Variants in GRAMD1B observed in about 807,000 individuals in gnomAD.
GRAMD1B encodes GRAM domain containing 1B.
Under a neutral mutation model 99.7 loss-of-function variants are expected in GRAMD1B, and 37 were observed. The observed-to-expected ratio is 0.37, with a 90% CI of 0.29 to 0.49. GRAMD1B has a LOEUF of 0.49. Among genes scored for constraint, GRAMD1B ranks in the 20% least tolerant of loss-of-function variants. The probability of loss-of-function intolerance (pLI) is 0.98; values close to 1 mark genes in which losing one functional copy is unlikely to be tolerated. For synonymous variants in GRAMD1B, 427 were observed against 387.6 expected, an observed-to-expected ratio of 1.10 and a Z score of -1.19; for missense variants, 888 against 1,009.2, an observed-to-expected ratio of 0.88 and a Z score of 1.63.
chr11:123,619,678 G>C (rs1954879796), intron 19 of GRAMD1B: 1 of 216,690 alleles, frequency 4.6e-6, no homozygotes, highest in Non-Finnish European at 7.8e-6. Flanking sequence ...GCTGTACTTT[G>C]TCTTCTTTTC....
At chr11:123,608,911 T>G in intron 12 of GRAMD1B, 109 bp downstream of exon 12, 1 of 790,642 alleles carries the variant, frequency 1.3e-6, no homozygotes, top group Non-Finnish European at 2.0e-6. Context: ...CACACCCTCC[T>G]TCCCTCGGCC....
chr11:123,616,212 C>G (rs372838220), intron 17 of GRAMD1B, among the ~76,000 whole-genome samples: 43 of 152,246 alleles, frequency 2.8e-4, no homozygotes, highest in African/African-American at 9.6e-4. Flanking sequence ...GTCCCAGCTA[C>G]TCGGGAGGCT....
intron 11 of GRAMD1B, chr11:123,607,688 GA>G (rs1952926814): frequency 5.4e-5 from 2 of 36,760 alleles, no homozygotes; most frequent in African/African-American, 9.8e-5. Context: ...CATAGGACTT[GA>G]CCCCTACAGG....
upstream of GRAMD1B, among the ~76,000 whole-genome samples, chr11:123,429,923 T>G (rs1948787267): frequency 6.6e-6 from 1 of 152,166 alleles, no homozygotes; most frequent in Admixed American, 6.5e-5. The surrounding 1 kb of genome is among the most constrained non-coding windows in gnomAD (Gnocchi z 4.0). Context: ...CTCCTCATTT[T>G]CCTTCAACCC....
At chr11:123,588,760 G>A (rs1950319544) in intron 4 of GRAMD1B, among the ~76,000 whole-genome samples, 1 of 152,188 alleles carries the variant, frequency 6.6e-6, no homozygotes, top group African/African-American at 2.4e-5. Context: ...GTAAGATGCA[G>A]TGTCAACAGG....
intron 17 of GRAMD1B, among the ~76,000 whole-genome samples, chr11:123,615,094 G>T (rs1428712818): frequency 6.6e-6 from 1 of 152,144 alleles, no homozygotes; most frequent in African/African-American, 2.4e-5. Context: ...TACCCTTCAG[G>T]GTTTCAGTTT....
At chr11:123,474,736 CACAAA>C (rs1951181671) in intron 1 of GRAMD1B, among the ~76,000 whole-genome samples, 1 of 1,034 alleles carries the variant, frequency 9.7e-4, no homozygotes, top group African/African-American at 3.8e-3. Flanking sequence ...TTAACAAAGA[CACAAA>C]GACATCTATA....
chr11:123,371,651 A>C (rs566205692), intron 1 of GRAMD1B, among the ~76,000 whole-genome samples: 2 of 152,176 alleles, frequency 1.3e-5, no homozygotes, highest in Non-Finnish European at 2.9e-5. Flanking sequence ...ACACAGACAC[A>C]TGCTTTTTTA....
intron 1 of GRAMD1B, among the ~76,000 whole-genome samples, chr11:123,368,509 A>G (rs1163126281): frequency 6.6e-6 from 1 of 150,474 alleles, no homozygotes; most frequent in African/African-American, 2.4e-5. Context: ...GTGAAACCCC[A>G]TCTCTACAAA....
intron 1 of GRAMD1B, among the ~76,000 whole-genome samples, chr11:123,391,913 G>A (rs1947296333): frequency 6.6e-6 from 1 of 152,182 alleles, no homozygotes; most frequent in African/African-American, 2.4e-5. Flanking sequence ...ACAAACAGAG[G>A]AGCAAGTACA....
intron 1 of GRAMD1B, among the ~76,000 whole-genome samples, chr11:123,457,267 C>T (rs1950203070): frequency 6.6e-6 from 1 of 152,024 alleles, no homozygotes; most frequent in Non-Finnish European, 1.5e-5. Context: ...ACACACTTAT[C>T]AAATGAGCAT....
chr11:123,513,382 C>CT (rs920887598), intron 2 of GRAMD1B, among the ~76,000 whole-genome samples: 72 of 145,432 alleles, frequency 5.0e-4, no homozygotes, highest in East Asian at 1.8e-3. Context: ...TAGTACTACC[C>CT]TTTTTTTTTT....
intron 1 of GRAMD1B, among the ~76,000 whole-genome samples, chr11:123,465,187 G>A (rs1215031115): frequency 1.3e-5 from 2 of 152,088 alleles, no homozygotes; most frequent in African/African-American, 2.4e-5. Context: ...TGGAACTCTA[G>A]GGGCAACTTT....
At chr11:123,394,467 C>G (rs1263396756) in intron 1 of GRAMD1B, among the ~76,000 whole-genome samples, 2 of 152,214 alleles carry the variant, frequency 1.3e-5, no homozygotes, top group African/African-American at 4.8e-5. Flanking sequence ...GCAATTGCAG[C>G]CTCCTCCCAA....
intron 2 of GRAMD1B, among the ~76,000 whole-genome samples, chr11:123,563,741 C>A (rs1454021931): frequency 6.6e-6 from 1 of 151,948 alleles, no homozygotes; most frequent in African/African-American, 2.4e-5. Flanking sequence ...ACTATATTGC[C>A]CAGGCTGGGC....
At chr11:123,511,294 A>C (rs1430393792) in intron 2 of GRAMD1B, among the ~76,000 whole-genome samples, 1 of 152,044 alleles carries the variant, frequency 6.6e-6, no homozygotes, top group Non-Finnish European at 1.5e-5. Flanking sequence ...AGGAGTTTTT[A>C]TGTGAGTGGC....
At chr11:123,377,521 G>A (rs1196530865) in intron 1 of GRAMD1B, among the ~76,000 whole-genome samples, 2 of 152,208 alleles carry the variant, frequency 1.3e-5, no homozygotes, top group African/African-American at 4.8e-5. Flanking sequence ...GTGATGCACA[G>A]GAAGCCAGCG....
At chr11:123,418,013 C>A (rs1948291606) in intron 1 of GRAMD1B, among the ~76,000 whole-genome samples, 1 of 152,140 alleles carries the variant, frequency 6.6e-6, no homozygotes, top group Non-Finnish European at 1.5e-5. Flanking sequence ...AGCCCTCCCA[C>A]CTTGGCCTCC....
chr11:123,479,876 G>T, intron 1 of GRAMD1B, among the ~76,000 whole-genome samples: 1 of 151,932 alleles, frequency 6.6e-6, no homozygotes, highest in African/African-American at 2.4e-5. Flanking sequence ...ATTCTTTTTT[G>T]GATTTTTTTT....
Sources: allele counts gnomAD v4.1 joint callset (sites outside exome capture counted in the v4.1 genomes callset), GRCh38; gene constraint gnomAD v4.1.1; non-coding constraint Gnocchi (gnomAD v3.1); transcripts MANE v1.5; gene names NCBI Gene and HGNC (gene_info 2026-07-23, HGNC 2026-07-21).